The following BACE2 variants were observed in gnomAD, a reference collection of about 807,000 sequenced individuals.
The protein encoded by BACE2 is beta-secretase 2.
BACE2 carries 17 observed loss-of-function variants against 46.2 expected under a neutral mutation model. The observed-to-expected ratio is 0.37, with a 90% CI of 0.25 to 0.55. The LOEUF is 0.55. Ranked by LOEUF, BACE2 falls within the 20% of genes least tolerant of loss-of-function variation. The pLI, the probability that BACE2 is intolerant of heterozygous loss-of-function variation, is 0.82. For synonymous variants in BACE2, 277 were observed against 295.9 expected (o/e 0.94, Z 0.66); for missense variants, 595 against 698.1 (o/e 0.85, Z 1.66).
chr21:41,273,738 T>C (rs1442262118), intron 8 of BACE2, among the ~76,000 whole-genome samples: 1 of 152,194 alleles, frequency 6.6e-6, no homozygotes, highest in Non-Finnish European at 1.5e-5. Context: ...AAAGACAGCA[T>C]AGGAAATCAC....
intron 1 of BACE2, among the ~76,000 whole-genome samples, chr21:41,214,610 AAATG>A (rs1986399822): frequency 6.6e-6 from 1 of 152,216 alleles, no homozygotes. Context: ...TTTGCTTTAG[AAATG>A]AACAAGCCAC....
At chr21:41,233,185 G>A (rs1987016285) in intron 2 of BACE2, among the ~76,000 whole-genome samples, 1 of 152,146 alleles carries the variant, frequency 6.6e-6, no homozygotes, top group African/African-American at 2.4e-5. Context: ...CTGAAAAAAG[G>A]CAGCAAATGA....
At chr21:41,234,662 A>G (rs1034115452) in intron 2 of BACE2, among the ~76,000 whole-genome samples, 1 of 152,224 alleles carries the variant, frequency 6.6e-6, no homozygotes, top group African/African-American at 2.4e-5. Context: ...ATGAACCCAA[A>G]TTGTCAAAAT....
chr21:41,192,687 G>A (rs1468797831), intron 1 of BACE2, among the ~76,000 whole-genome samples: 1 of 152,232 alleles, frequency 6.6e-6, no homozygotes, highest in East Asian at 1.9e-4. Context: ...TGGATCTGCT[G>A]GGTCGTATGG....
At chr21:41,273,578 C>T (rs2123654136) in intron 8 of BACE2, among the ~76,000 whole-genome samples, 1 of 152,314 alleles carries the variant, frequency 6.6e-6, no homozygotes, top group African/African-American at 2.4e-5. Flanking sequence ...CTCCTTTGTT[C>T]CCTGAACATT....
intron 5 of BACE2, among the ~76,000 whole-genome samples, chr21:41,244,461 G>A (rs1987399698): frequency 6.6e-6 from 1 of 152,036 alleles, no homozygotes; most frequent in Non-Finnish European, 1.5e-5. Flanking sequence ...TGGCCAGGGT[G>A]GGGGTCACAA....
At chr21:41,187,924 C>T (rs755213163) in intron 1 of BACE2, among the ~76,000 whole-genome samples, 3 of 152,322 alleles carry the variant, frequency 2.0e-5, no homozygotes, top group Non-Finnish European at 4.4e-5. Flanking sequence ...GTATAGCTCC[C>T]ACAGCTTTTG....
intron 6 of BACE2, among the ~76,000 whole-genome samples, chr21:41,249,260 G>GA (rs1987567454): frequency 6.8e-6 from 1 of 147,948 alleles, no homozygotes; most frequent in African/African-American, 2.5e-5. Context: ...TGTACACTTG[G>GA]CCTCAGGGGA....
chr21:41,168,715 C>A (rs931214023), intron 1 of BACE2, 140 bp downstream of exon 1: 7 of 504,052 alleles, frequency 1.4e-5, no homozygotes, highest in Non-Finnish European at 2.1e-5. Context: ...CGCAGAGGGG[C>A]TCGGGTGGGC....
chr21:41,273,151 TA>T (rs2088450622), intron 8 of BACE2, among the ~76,000 whole-genome samples: 1 of 152,094 alleles, frequency 6.6e-6, no homozygotes, highest in African/African-American at 2.4e-5. Flanking sequence ...CTTCACAAGG[TA>T]ATAAAATATT....
rs111301913 is a variant in BACE2, at chr21:41,246,086, G to C, written c.984+23G>C. The C allele has an allele frequency of 4.9e-5, 76 of 1,565,218 alleles. No individual in the cohort carries two copies. In the African/African-American group the frequency reaches 8.2e-4, roughly 17 times the overall value. ...CTGGTGAGTCCTCGGGACACTCACGGGTCCCCGAGTTGCTGAGTTACAGTC... is the reference window on the plus strand; with the variant it reads ...CTGGTGAGTCCTCGGGACACTCACGCGTCCCCGAGTTGCTGAGTTACAGTC... On this transcript the variant is annotated intron_variant, in intron 6 of 8. Coordinates refer to ENST00000330333, the MANE Select transcript of BACE2 (RefSeq NM_012105.5).
chr21:41,239,488 G>A (rs759794753), intron 3 of BACE2, among the ~76,000 whole-genome samples: 7 of 152,038 alleles, frequency 4.6e-5, no homozygotes, highest in South Asian at 2.1e-4. Flanking sequence ...AGTGATTCTC[G>A]CACCTCAGCC....
chr21:41,272,560 G>T (rs1023803430), intron 8 of BACE2, among the ~76,000 whole-genome samples: 1 of 151,690 alleles, frequency 6.6e-6, no homozygotes, highest in Non-Finnish European at 1.5e-5. Flanking sequence ...TTTTTCTGCA[G>T]TGTATAATCT....
At chr21:41,194,155 C>A (rs1331361455) in intron 1 of BACE2, among the ~76,000 whole-genome samples, 3 of 152,044 alleles carry the variant, frequency 2.0e-5, no homozygotes, top group African/African-American at 7.2e-5. Context: ...AAGTTTTCTG[C>A]TTGTATAAAT....
chr21:41,231,952 T>C (rs540244569), intron 2 of BACE2, among the ~76,000 whole-genome samples: 3 of 152,148 alleles, frequency 2.0e-5, no homozygotes, highest in East Asian at 3.8e-4. Context: ...GAATGATTCT[T>C]CTCTGGGGTT....
In BACE2 at chr21:41,168,456, G is replaced by C; in HGVS notation, c.193G>C (p.Glu65Gln). The change falls in exon 1 of 9, where the codon GAG becomes CAG. Residue 65 changes from glutamate to glutamine, a missense_variant. By Grantham distance (29) the Glu-to-Gln change is conservative. Transcript: ENST00000330333. ...RHADGLALAL[E>Q]PALASPAGAA... is the part of the protein sequence containing the mutation. Reference sequence around the variant, plus strand: ...CGCCGACGGCTTGGCGCTCGCCCTGGAGCCTGCCCTGGCGTCCCCCGCGGG... The same window carrying C: ...CGCCGACGGCTTGGCGCTCGCCCTGCAGCCTGCCCTGGCGTCCCCCGCGGG... The C allele has an allele frequency of 7.1e-7, 1 of 1,398,912 alleles. No homozygotes were observed. Among genetic ancestry groups the C allele is most frequent in the Non-Finnish European group, 9.3e-7 (1 of 1,073,886 alleles). 86.7% of individuals were successfully genotyped at this position (1,398,912 alleles called of 1,614,324 possible).
At chr21:41,209,567 CTT>C (rs965254307) in intron 1 of BACE2, among the ~76,000 whole-genome samples, 3 of 152,216 alleles carry the variant, frequency 2.0e-5, no homozygotes, top group Admixed American at 6.5e-5. Flanking sequence ...CACTACCCCT[CTT>C]TAAGTTCAAA....
At chr21:41,179,246 G>T in intron 1 of BACE2, 1 of 1,295,018 alleles carries the variant, frequency 7.7e-7, no homozygotes, top group Non-Finnish European at 1.0e-6. Flanking sequence ...TGTCCAGGGT[G>T]AGGAGTGAGG....
chr21:41,200,611 T>C (rs1373889623), intron 1 of BACE2, among the ~76,000 whole-genome samples: 1 of 152,204 alleles, frequency 6.6e-6, no homozygotes, highest in Non-Finnish European at 1.5e-5. Flanking sequence ...CCTCCAGTAC[T>C]TCAAAATATG....
Sources: gnomAD v4.1 joint callset for allele counts (sites outside exome capture counted in the v4.1 genomes callset) on GRCh38, gnomAD v4.1.1 for gene constraint, MANE v1.5 for transcripts, NCBI Gene and HGNC (gene_info 2026-07-23, HGNC 2026-07-21) for gene names.